Variants in SP100 observed in about 807,000 individuals in gnomAD.
SP100 encodes the protein nuclear autoantigen Sp-100.
SP100 carries 84 observed loss-of-function variants against 130.0 expected under a neutral mutation model. The observed-to-expected ratio is 0.65, with a 90% CI of 0.54 to 0.77. SP100 has a LOEUF of 0.77. Ranked by LOEUF, SP100 falls within the 30% of genes least tolerant of loss-of-function variation. The pLI is 0.00. For missense variants in SP100, 978 were observed against 1,052.2 expected (o/e 0.93, Z 0.97); for synonymous variants, 331 against 351.7 (o/e 0.94, Z 0.66).
rs1457765403 is a variant in SP100, at chr2:230,544,262, T to C, written c.*1316T>C. ...GATTTCATGATAAAGACAAAAGCAA[T>C]AGCAACAAAAGCAAAATTTGACAAA... On this transcript the variant is annotated 3_prime_UTR_variant, in exon 29 of 29. Coordinates refer to ENST00000340126, the MANE Select transcript of SP100 (RefSeq NM_001080391.2). Among the ~76,000 whole-genome samples the C allele has an allele frequency of 6.6e-6, 1 of 152,032 alleles. No homozygotes were observed. The highest frequency in any genetic ancestry group is 1.5e-5 in the Non-Finnish European group (1 of 68,012).
At chr2:230,494,485 T>G (rs1480446043) in intron 18 of SP100, 25 bp downstream of exon 18, 2 of 1,562,428 alleles carry the variant, frequency 1.3e-6, no homozygotes, top group African/African-American at 2.7e-5. Context: ...GGGGATTTAC[T>G]CCTTTGAACT....
intron 2 of SP100, among the ~76,000 whole-genome samples, chr2:230,426,315 T>C (rs2062930827): frequency 6.6e-6 from 1 of 152,218 alleles, no homozygotes; most frequent in South Asian, 2.1e-4. Context: ...TCTTTCTTCA[T>C]CAACTGTAAA....
chr2:230,423,243 G>A (rs1047114987), intron 2 of SP100, among the ~76,000 whole-genome samples: 2 of 152,038 alleles, frequency 1.3e-5, no homozygotes, highest in African/African-American at 2.4e-5. Context: ...ATTGTTTATT[G>A]TCCTAAAAAG....
At chr2:230,531,597 G>A (rs1691708412) in intron 24 of SP100, among the ~76,000 whole-genome samples, 1 of 151,948 alleles carries the variant, frequency 6.6e-6, no homozygotes, top group South Asian at 2.1e-4. Context: ...TACATTGGCA[G>A]TTTGGCATTT....
At chr2:230,483,248 T>A (rs886615235) in intron 17 of SP100, among the ~76,000 whole-genome samples, 2 of 152,092 alleles carry the variant, frequency 1.3e-5, no homozygotes, top group African/African-American at 4.8e-5. Flanking sequence ...AAATGTGCCA[T>A]TTTATGTAGG....
At chr2:230,447,292 A>G (rs1424771749) in intron 5 of SP100, among the ~76,000 whole-genome samples, 1 of 152,214 alleles carries the variant, frequency 6.6e-6, no homozygotes, top group Non-Finnish European at 1.5e-5. Flanking sequence ...CTGTACTGTC[A>G]TATTCACAAC....
chr2:230,449,817 G>A (rs1394081091), intron 7 of SP100, 107 bp downstream of exon 7: 1 of 1,192,620 alleles, frequency 8.4e-7, no homozygotes, highest in East Asian at 2.3e-5. Flanking sequence ...TTAACAAGCA[G>A]GGGAAAATCA....
intron 8 of SP100, among the ~76,000 whole-genome samples, chr2:230,453,057 A>G (rs1047838128): frequency 6.6e-6 from 1 of 152,190 alleles, no homozygotes; most frequent in Non-Finnish European, 1.5e-5. Context: ...TTTATAAAGG[A>G]AAGGGGTTTA....
intron 8 of SP100, among the ~76,000 whole-genome samples, chr2:230,458,869 G>A (rs2149955378): frequency 6.6e-6 from 1 of 152,266 alleles, no homozygotes; most frequent in Non-Finnish European, 1.5e-5. Flanking sequence ...GCTTGCAGAG[G>A]TAACGTTAAT....
At chr2:230,538,391 T>A (rs75752679) in intron 24 of SP100, 1 of 152,110 alleles carries the variant, frequency 6.6e-6, no homozygotes, top group South Asian at 2.1e-4. Flanking sequence ...GTGGTCAGCA[T>A]CGATGAGTCT....
intron 22 of SP100, 160 bp downstream of exon 22, chr2:230,506,605 G>C (rs1311638334): frequency 1.5e-6 from 1 of 651,816 alleles, no homozygotes. Flanking sequence ...TGAACATTAC[G>C]TTGGCTGGCT....
chr2:230,535,195 C>CAAAA (rs59108942), intron 24 of SP100, among the ~76,000 whole-genome samples: 1 of 145,872 alleles, frequency 6.9e-6, no homozygotes. Context: ...GACTCCATCT[C>CAAAA]AAAAAAAAAA....
chr2:230,513,063 T>C (rs1380564758), intron 24 of SP100, among the ~76,000 whole-genome samples: 1 of 152,208 alleles, frequency 6.6e-6, no homozygotes, highest in East Asian at 1.9e-4. Flanking sequence ...TTTCACTCAC[T>C]CGCCCACCAC....
intron 27 of SP100, 119 bp downstream of exon 27, chr2:230,541,491 A>G (rs1292689655): frequency 8.8e-6 from 7 of 793,286 alleles, no homozygotes; most frequent in East Asian, 2.6e-5. Flanking sequence ...TCAGGCTACT[A>G]TAGAAATTTA....
At chr2:230,514,856 T>C (rs1690814469) in intron 24 of SP100, among the ~76,000 whole-genome samples, 1 of 152,158 alleles carries the variant, frequency 6.6e-6, no homozygotes, top group Non-Finnish European at 1.5e-5. Context: ...GTCCCCCAAA[T>C]ACCTCAAGGT....
chr2:230,458,585 T>C (rs376485246), intron 8 of SP100, among the ~76,000 whole-genome samples: 2 of 152,330 alleles, frequency 1.3e-5, no homozygotes, highest in African/African-American at 4.8e-5. Flanking sequence ...AATAGAAATA[T>C]GTTGCAAGTT....
intron 17 of SP100, among the ~76,000 whole-genome samples, chr2:230,487,394 A>G (rs1032608940): frequency 6.6e-6 from 1 of 152,188 alleles, no homozygotes; most frequent in Non-Finnish European, 1.5e-5. Context: ...GCATATGGCT[A>G]GCCAGTTTTC....
intron 2 of SP100, among the ~76,000 whole-genome samples, chr2:230,439,222 T>G (rs1323235963): frequency 6.6e-6 from 1 of 152,176 alleles, no homozygotes; most frequent in East Asian, 1.9e-4. Context: ...TCTTGCTGAT[T>G]TGTTTGAGTT....
At chr2:230,473,815 G>GTA (rs2065396096) in intron 16 of SP100, among the ~76,000 whole-genome samples, 2 of 151,572 alleles carry the variant, frequency 1.3e-5, no homozygotes, top group South Asian at 4.2e-4. Flanking sequence ...AAACATAGTA[G>GTA]TATCTCACTA....
Sources: allele counts gnomAD v4.1 joint callset (sites outside exome capture counted in the v4.1 genomes callset), GRCh38; gene constraint gnomAD v4.1.1; transcripts MANE v1.5; gene names NCBI Gene and HGNC (gene_info 2026-07-23, HGNC 2026-07-21).